FREM1: variants seen among roughly 807,000 people sequenced by gnomAD.
FREM1 encodes the protein FRAS1-related extracellular matrix protein 1.
A neutral mutation model predicts 210.1 loss-of-function variants in FREM1; 220 were observed. The observed-to-expected ratio is 1.05, with a 90% confidence interval of 0.94 to 1.17. FREM1 has a LOEUF of 1.17. Among genes scored for constraint, FREM1 ranks in the 50% most tolerant of loss-of-function variants. FREM1 has a pLI of 0.00. For missense variants in FREM1, 3,454 were observed against 2,675.5 expected (o/e 1.29, Z -6.42); for synonymous variants, 1,189 against 980.2 (o/e 1.21, Z -3.98).
At chr9:14,786,658 A>G (rs1415440420) in intron 23 of FREM1, among the ~76,000 whole-genome samples, 1 of 152,202 alleles carries the variant, frequency 6.6e-6, no homozygotes, top group African/African-American at 2.4e-5. Flanking sequence ...TGCAATAAAG[A>G]ATCCTCCATC....
intron 35 of FREM1, among the ~76,000 whole-genome samples, chr9:14,741,875 G>T (rs1841631962): frequency 6.6e-6 from 1 of 152,090 alleles, no homozygotes; most frequent in African/African-American, 2.4e-5. Flanking sequence ...GATTCCTGAA[G>T]CTATCTTTAA....
chr9:14,886,550 C>T (rs12342707), intron 1 of FREM1, among the ~76,000 whole-genome samples: 4 of 152,088 alleles, frequency 2.6e-5, no homozygotes, highest in Non-Finnish European at 4.4e-5. Flanking sequence ...TTTCTGACTT[C>T]TACTCCACAT....
intron 24 of FREM1, among the ~76,000 whole-genome samples, chr9:14,781,202 T>C (rs574443934): frequency 6.6e-5 from 10 of 152,286 alleles, no homozygotes; most frequent in Admixed American, 2.6e-4. Flanking sequence ...GGGAACACTA[T>C]TGCATCTCTC....
At position 14,805,012 on chromosome 9, in the gene FREM1, T is replaced by C. The variant is rs765028692; in HGVS notation, c.3415A>G (p.Ile1139Val). Residue 1139 changes from isoleucine (I) to valine (V), a missense_variant, in exon 19 of 37, where the codon ATT (isoleucine) becomes GTT (valine). Ile to Val is a conservative substitution (Grantham distance 29, BLOSUM62 3). Transcript: ENST00000380880. ...KHHSLEIPFS[I>V]IINPTNDEAP... ...TCATCATTTGTGGGGTTGATTATAA[T>C]AGAAAATGGTATCTCCAAGGAGTGA... 6.2e-6 allele frequency: 10 copies of C among 1,613,772 alleles called. No homozygotes were observed. The highest frequency in any genetic ancestry group is 7.6e-6 in the Non-Finnish European group (9 of 1,179,704).
chr9:14,840,761 C>A (rs1484073030), intron 10 of FREM1, among the ~76,000 whole-genome samples: 1 of 152,174 alleles, frequency 6.6e-6, no homozygotes, highest in Admixed American at 6.6e-5. Flanking sequence ...CCAGCCTCTC[C>A]TTTCAAGGAG....
At position 14,775,810 on chromosome 9, in the gene FREM1, T is replaced by C; in HGVS notation, c.4836A>G (p.Glu1612=). Residue 1612 remains glutamate (E), a synonymous_variant, in exon 25 of 37, where the codon GAA becomes GAG. Coordinates refer to ENST00000380880, the MANE Select transcript of FREM1 (RefSeq NM_001379081.2). ...TTGCCTGAATGGTGAATAAAACAGG[T>C]TCTTCCCACACTCTCCCATTCACAA... ...GFIVNGRVWE[E]PVLFTIQVDQ... The C allele has an allele frequency of 6.2e-7, 1 of 1,612,630 alleles. No individual in the cohort carries two copies. Among genetic ancestry groups the C allele is most frequent in the Non-Finnish European group, 8.5e-7 (1 of 1,179,002 alleles).
rs1212010771 is a variant in FREM1 at position 14,861,268 on chromosome 9, C to CACATATATACATATATACATATAT, written c.330-1808_330-1785dup. Among the ~76,000 whole-genome samples the CACATATATACATATATACATATAT allele has an allele frequency of 6.2e-3, 548 of 88,458 alleles. 76 individuals are homozygous for CACATATATACATATATACATATAT. Among genetic ancestry groups the CACATATATACATATATACATATAT allele is most frequent in the African/African-American group, 0.036 (511 of 14,188 alleles). The allele number at this position is 88,458 out of a possible 152,430, so 58.0% of individuals were successfully genotyped here. A position where few individuals can be genotyped will look rare whatever the true frequency, so the allele number is the denominator to read the frequency against. ...ACATATATACATATATACACATATA[C>CACATATATACATATATACATATAT]ACATATATACATATATACATATATA... is the stretch of plus-strand genomic sequence containing the variant. On this transcript the variant is annotated intron_variant, in intron 3 of 36. Coordinates refer to ENST00000380880, the MANE Select transcript of FREM1 (RefSeq NM_001379081.2).
intron 20 of FREM1, among the ~76,000 whole-genome samples, chr9:14,798,514 C>A (rs1239334816): frequency 2.0e-5 from 3 of 152,028 alleles, no homozygotes; most frequent in Non-Finnish European, 4.4e-5. Flanking sequence ...GAGGCTCAGG[C>A]AGGGAGGAAT....
In FREM1 at chr9:14,894,370, T is replaced by G. The variant is rs1477552097; in HGVS notation, c.-268+15544A>C. Among the ~76,000 whole-genome samples, 6 of 152,246 alleles carry G rather than the reference T, an allele frequency of 3.9e-5. No individual in the cohort carries two copies. The East Asian group carries it at 9.6e-4, about 24-fold the overall frequency. ...TTAATAGTGGCTGCCCTAAGGCATT[T>G]TATCATCCACTGACAATTGTTGTCT... is the stretch of plus-strand genomic sequence containing the variant. On this transcript the variant is annotated intron_variant, in intron 1 of 36. Transcript: ENST00000380880.
At chr9:14,746,329 C>A in intron 35 of FREM1, 24 bp downstream of exon 35, 1 of 1,495,300 alleles carries the variant, frequency 6.7e-7, no homozygotes, top group Non-Finnish European at 9.3e-7. Flanking sequence ...AAACACCAAT[C>A]AAATGTGCAA....
Position 14,882,912 on chromosome 9 carries a change from C to CAAAAA in FREM1, c.-267-13673_-267-13669dup, listed in dbSNP as rs71323913. ...AGGGCAGCAGAGCGAGACTCCATCTCAAAAAAAAAAAAAAAAGGAATCACC... is the reference window on the plus strand; with the variant it reads ...AGGGCAGCAGAGCGAGACTCCATCTCAAAAAAAAAAAAAAAAAAAAAGGAATCACC... On this transcript the variant is annotated intron_variant, in intron 1 of 36. Coordinates refer to ENST00000380880, the MANE Select transcript of FREM1 (RefSeq NM_001379081.2). Among the ~76,000 whole-genome samples the CAAAAA allele has an allele frequency of 2.9e-4, 13 of 45,418 alleles. 1 individual carries two copies. Among genetic ancestry groups the CAAAAA allele is most frequent in the African/African-American group, 5.6e-4 (6 of 10,778 alleles). 29.8% of individuals were successfully genotyped at this position (45,418 alleles called of 152,430 possible).
chr9:14,747,623 C>A lies in FREM1; in HGVS notation c.5844+58G>T, dbSNP rs1022413310. 5.5e-6 allele frequency: 6 copies of A among 1,099,334 alleles called. No homozygotes were observed. In the East Asian group the frequency reaches 1.6e-4, roughly 30 times the overall value. 68.1% of individuals were successfully genotyped at this position (1,099,334 alleles called of 1,614,324 possible). ...TATAAAAAATATAAAATAATAGCTT[C>A]ATTAAATACTTGCATCCATAAATAT... On this transcript the variant is annotated intron_variant, in intron 32 of 36. Coordinates refer to ENST00000380880, the MANE Select transcript of FREM1 (RefSeq NM_001379081.2).
intron 24 of FREM1, among the ~76,000 whole-genome samples, chr9:14,778,826 C>G (rs927367194): frequency 6.9e-6 from 1 of 144,628 alleles, no homozygotes; most frequent in East Asian, 2.2e-4. Flanking sequence ...GTGGAGCGCT[C>G]GAGCTCAGGA....
chr9:14,831,851 G>A (rs10961739), intron 10 of FREM1, among the ~76,000 whole-genome samples: 27,070 of 152,184 alleles, frequency 0.18, 2,666 homozygotes, highest in Middle Eastern at 0.26. Flanking sequence ...TGGCGCCATG[G>A]CTCGGAGGGT....
At chr9:14,902,098 G>A (rs573159219) in intron 1 of FREM1, among the ~76,000 whole-genome samples, 1 of 151,564 alleles carries the variant, frequency 6.6e-6, no homozygotes, top group East Asian at 1.9e-4. Flanking sequence ...TGCCTGCCTT[G>A]GCCTCCCGAA....
chr9:14,896,231 G>C (rs1284842819), intron 1 of FREM1, among the ~76,000 whole-genome samples: 3 of 152,152 alleles, frequency 2.0e-5, no homozygotes, highest in Non-Finnish European at 4.4e-5. Context: ...ATGTCAGGAA[G>C]TTACCCTATA....
At chr9:14,877,987 C>A (rs144698771) in intron 1 of FREM1, among the ~76,000 whole-genome samples, 1 of 152,180 alleles carries the variant, frequency 6.6e-6, no homozygotes, top group Non-Finnish European at 1.5e-5. Context: ...TGTGATCCCC[C>A]GGTCCAAGCC....
chr9:14,814,323 A>C (rs551712962), intron 15 of FREM1, among the ~76,000 whole-genome samples: 1 of 152,328 alleles, frequency 6.6e-6, no homozygotes, highest in East Asian at 1.9e-4. Flanking sequence ...CTAGAAGAAC[A>C]GTGACTTTGT....
chr9:14,744,858 C>T lies in FREM1; in HGVS notation c.6254+1495G>A, dbSNP rs137857511. Reference sequence around the variant, plus strand: ...GTGATTGTACCATTTTACACTTCTACCAACAACACATGAGAATTCTATTTG... The same window carrying T: ...GTGATTGTACCATTTTACACTTCTATCAACAACACATGAGAATTCTATTTG... On this transcript the variant is annotated intron_variant, in intron 35 of 36. Coordinates refer to ENST00000380880, the MANE Select transcript of FREM1 (RefSeq NM_001379081.2). Among the ~76,000 whole-genome samples the T allele has an allele frequency of 2.1e-3, 315 of 152,226 alleles. 1 individual carries two copies. The highest frequency in any genetic ancestry group is 3.6e-3 in the Non-Finnish European group (244 of 68,020).
Sources: gnomAD v4.1 joint callset for allele counts (sites outside exome capture counted in the v4.1 genomes callset) on GRCh38, gnomAD v4.1.1 for gene constraint, MANE v1.5 for transcripts, NCBI Gene and HGNC (gene_info 2026-07-23, HGNC 2026-07-21) for gene names.